GADL1: variants seen among roughly 807,000 people sequenced by gnomAD.
GADL1 encodes the protein acidic amino acid decarboxylase GADL1.
Under a neutral mutation model 69.5 loss-of-function variants are expected in GADL1, and 71 were observed. The ratio of observed to expected loss-of-function variants is 1.02; its 90% CI spans 0.84 to 1.25. GADL1 has a LOEUF of 1.25. Among genes scored for constraint, GADL1 ranks in the 50% most tolerant of loss-of-function variants. The pLI is 0.00. For missense variants in GADL1, 737 were observed against 631.8 expected, an observed-to-expected ratio of 1.17 and a Z score of -1.79; for synonymous variants, 254 against 214.4, an observed-to-expected ratio of 1.18 and a Z score of -1.62.
Position 30,786,348 on chromosome 3 carries a change from C to A in GADL1, c.1302+7G>T. 1 of 1,542,710 alleles carries A rather than the reference C, an allele frequency of 6.5e-7. No individual in the cohort carries two copies. The highest frequency in any genetic ancestry group is 1.1e-5 in the South Asian group (1 of 89,384). On this transcript the variant is annotated splice_region_variant and intron_variant, in intron 13 of 14. Transcript: ENST00000282538. ...AAAATCACAAGCACAATTATGCAAT[C>A]ACTTACTTCCATCAGTAACTTGAAT...
At chr3:30,736,428 C>T (rs1559482963) in intron 14 of GADL1, among the ~76,000 whole-genome samples, 1 of 152,036 alleles carries the variant, frequency 6.6e-6, no homozygotes, top group African/African-American at 2.4e-5. Context: ...ATAATGAGAA[C>T]ACAATAAGCA....
chr3:30,885,143 T>A (rs1698686579), intron 1 of GADL1, among the ~76,000 whole-genome samples: 2 of 152,138 alleles, frequency 1.3e-5, no homozygotes, highest in Admixed American at 1.3e-4. Flanking sequence ...TTCTGGCGTG[T>A]TCCTTAGCAA....
intron 1 of GADL1, among the ~76,000 whole-genome samples, chr3:30,873,766 T>C (rs150053793): frequency 6.6e-5 from 10 of 152,078 alleles, no homozygotes; most frequent in African/African-American, 2.4e-4. Context: ...TTTACTCTGA[T>C]ATGGGGATTA....
At chr3:30,803,056 C>T (rs1204268899) in intron 11 of GADL1, among the ~76,000 whole-genome samples, 3 of 152,168 alleles carry the variant, frequency 2.0e-5, no homozygotes, top group Non-Finnish European at 2.9e-5. Flanking sequence ...CACACCACAG[C>T]TCACCAGCCT....
chr3:30,877,361 C>T (rs933591587), intron 1 of GADL1, among the ~76,000 whole-genome samples: 1 of 151,886 alleles, frequency 6.6e-6, no homozygotes, highest in African/African-American at 2.4e-5. Flanking sequence ...TGTCATCAAA[C>T]TTATGTTCCG....
chr3:30,878,766 C>G (rs1341997500), intron 1 of GADL1, among the ~76,000 whole-genome samples: 2 of 151,826 alleles, frequency 1.3e-5, no homozygotes, highest in Admixed American at 1.3e-4. Context: ...TTTTATGACA[C>G]TAGGGTATAT....
intron 1 of GADL1, among the ~76,000 whole-genome samples, chr3:30,870,312 A>G (rs374742685): frequency 6.6e-6 from 1 of 151,966 alleles, no homozygotes; most frequent in African/African-American, 2.4e-5. Context: ...GTAAAAGAGA[A>G]GGAGAGCCAG....
intron 14 of GADL1, among the ~76,000 whole-genome samples, chr3:30,772,388 C>T (rs912375064): frequency 6.6e-6 from 1 of 152,100 alleles, no homozygotes; most frequent in African/African-American, 2.4e-5. Flanking sequence ...AAGAAATATT[C>T]TACATCAGAA....
At chr3:30,839,184 T>C (rs1697923130) in intron 8 of GADL1, 71 bp from the exon 9 acceptor site, 2 of 921,750 alleles carry the variant, frequency 2.2e-6, no homozygotes, top group East Asian at 5.7e-5. Flanking sequence ...AGCTGGAAAA[T>C]ATAAAGGGTT....
At chr3:30,845,302 T>A (rs1365458644) in intron 6 of GADL1, among the ~76,000 whole-genome samples, 2 of 152,158 alleles carry the variant, frequency 1.3e-5, no homozygotes, top group Non-Finnish European at 2.9e-5. Flanking sequence ...ATAAAATAAT[T>A]AGCATGCAAA....
intron 1 of GADL1, among the ~76,000 whole-genome samples, chr3:30,872,195 T>C (rs1458795957): frequency 6.6e-6 from 1 of 151,912 alleles, no homozygotes; most frequent in Admixed American, 6.6e-5. Flanking sequence ...TGACTTAACA[T>C]AGCCATTTAG....
intron 1 of GADL1, among the ~76,000 whole-genome samples, chr3:30,892,982 G>C (rs1314090684): frequency 2.0e-5 from 3 of 152,098 alleles, no homozygotes; most frequent in Admixed American, 2.0e-4. Context: ...TCAGCCTCTC[G>C]AGTACTGGAT....
intron 11 of GADL1, among the ~76,000 whole-genome samples, chr3:30,806,878 A>T (rs191509749): frequency 6.6e-6 from 1 of 152,282 alleles, no homozygotes; most frequent in East Asian, 1.9e-4. Context: ...CACAATAAGA[A>T]TGATTAGTGA....
At chr3:30,738,998 C>G (rs138741760) in intron 14 of GADL1, among the ~76,000 whole-genome samples, 36 of 152,328 alleles carry the variant, frequency 2.4e-4, no homozygotes, top group African/African-American at 8.7e-4. Flanking sequence ...TAACAAGCCA[C>G]TGACAGCCAA....
intron 11 of GADL1, among the ~76,000 whole-genome samples, chr3:30,819,018 G>A (rs187247971): frequency 9.9e-5 from 15 of 152,074 alleles, no homozygotes; most frequent in African/African-American, 3.1e-4. Flanking sequence ...GAACACAGGG[G>A]GCTATCCCAG....
intron 14 of GADL1, among the ~76,000 whole-genome samples, chr3:30,734,094 C>A (rs576253617): frequency 2.0e-5 from 3 of 152,266 alleles, no homozygotes; most frequent in East Asian, 3.9e-4. Flanking sequence ...GCATGAAATT[C>A]TTTTATTTGC....
intron 11 of GADL1, among the ~76,000 whole-genome samples, chr3:30,820,682 G>C (rs1415442400): frequency 6.6e-6 from 1 of 152,160 alleles, no homozygotes; most frequent in African/African-American, 2.4e-5. Flanking sequence ...ACAGGTGCTA[G>C]AGAGGATGTG....
chr3:30,764,463 G>A (rs1217562251), intron 14 of GADL1, among the ~76,000 whole-genome samples: 1 of 152,050 alleles, frequency 6.6e-6, no homozygotes, highest in Non-Finnish European at 1.5e-5. Context: ...TTTTTTTCCT[G>A]TAAAAATGGA....
intron 11 of GADL1, 142 bp downstream of exon 11, chr3:30,833,711 G>GT (rs1697827583): frequency 1.6e-6 from 1 of 632,088 alleles, no homozygotes; most frequent in African/African-American, 1.8e-5. Flanking sequence ...TGTCTTTCAT[G>GT]TAGAGACCAT....
Sources: allele counts gnomAD v4.1 joint callset (sites outside exome capture counted in the v4.1 genomes callset), GRCh38; gene constraint gnomAD v4.1.1; transcripts MANE v1.5; gene names NCBI Gene and HGNC (gene_info 2026-07-23, HGNC 2026-07-21).